The following GRIN2A variants were observed in gnomAD, a reference collection of about 807,000 sequenced individuals.
GRIN2A encodes the protein glutamate ionotropic receptor NMDA type subunit 2A, also known as glutamate receptor ionotropic, NMDA 2A.
A neutral mutation model predicts 113.4 loss-of-function variants in GRIN2A; 22 were observed. The ratio of observed to expected loss-of-function variants is 0.19; its 90% CI spans 0.14 to 0.28. The LOEUF is 0.28. Among genes scored for constraint, GRIN2A ranks in the 10% least tolerant of loss-of-function variants. The pLI is 1.00. For missense variants in GRIN2A, 1,502 were observed against 1,887.0 expected, an observed-to-expected ratio of 0.80 and a Z score of 3.78; for synonymous variants, 827 against 738.4, an observed-to-expected ratio of 1.12 and a Z score of -1.94.
At chr16:10,102,048 G>A (rs891838115) in intron 2 of GRIN2A, among the ~76,000 whole-genome samples, 8 of 152,172 alleles carry the variant, frequency 5.3e-5, no homozygotes, top group African/African-American at 1.4e-4. Context: ...ATTTTTTACA[G>A]AATCAGCTCA....
At chr16:9,919,846 C>A (rs889400518) in intron 3 of GRIN2A, among the ~76,000 whole-genome samples, 2 of 152,200 alleles carry the variant, frequency 1.3e-5, no homozygotes, top group Non-Finnish European at 2.9e-5. Flanking sequence ...AAGCAATTTC[C>A]CAGTTCCAGG....
chr16:10,181,055 G>C (rs2050260167), intron 1 of GRIN2A, among the ~76,000 whole-genome samples: 1 of 149,682 alleles, frequency 6.7e-6, no homozygotes, highest in Non-Finnish European at 1.5e-5. Flanking sequence ...CTCAGTCAGA[G>C]TACACCCCAA....
At chr16:10,148,764 C>T (rs1002830433) in intron 2 of GRIN2A, among the ~76,000 whole-genome samples, 10 of 152,218 alleles carry the variant, frequency 6.6e-5, no homozygotes, top group Non-Finnish European at 1.0e-4. Flanking sequence ...AAAGAGATAT[C>T]TGCACTCCTA....
At chr16:9,873,241 T>C (rs887105762) in intron 4 of GRIN2A, among the ~76,000 whole-genome samples, 12 of 152,106 alleles carry the variant, frequency 7.9e-5, no homozygotes, top group Admixed American at 6.6e-4. Flanking sequence ...ACTTAATGGA[T>C]ACAATGTATG....
At chr16:10,116,959 G>A (rs1229079408) in intron 2 of GRIN2A, among the ~76,000 whole-genome samples, 1 of 151,922 alleles carries the variant, frequency 6.6e-6, no homozygotes, top group East Asian at 1.9e-4. Flanking sequence ...ACTGTGTTGG[G>A]AACTGTCCAT....
At chr16:10,179,893 C>CCCAGAAAAAAAAAAA in intron 2 of GRIN2A, 105 bp downstream of exon 2, 1 of 719,818 alleles carries the variant, frequency 1.4e-6, no homozygotes, top group East Asian at 3.6e-5. Context: ...CCCCCACCCC[C>CCCAGAAAAAAAAAAA]ACTTCACATC....
rs558749861 is a variant in GRIN2A, at chr16:10,070,550, G to A, written c.414+109448C>T. ...AAATGCTACCAGCGTGGCCTGGGAT[G>A]ATTTGTTCTTAAACTTCAAGGGCTG... is the stretch of plus-strand genomic sequence containing the variant. On this transcript the variant is annotated intron_variant, in intron 2 of 12. Transcript: ENST00000330684. Among the ~76,000 whole-genome samples the A allele has an allele frequency of 2.6e-5, 4 of 152,264 alleles. No homozygotes were observed. The South Asian group carries it at 8.3e-4, about 32-fold the overall frequency.
At chr16:9,790,277 C>T (rs935434812) in intron 11 of GRIN2A, among the ~76,000 whole-genome samples, 1 of 152,182 alleles carries the variant, frequency 6.6e-6, no homozygotes, top group African/African-American at 2.4e-5. Context: ...TTTGTGTTCC[C>T]TTTGTTTTGT....
At chr16:10,077,970 T>G (rs2047908651) in intron 2 of GRIN2A, among the ~76,000 whole-genome samples, 1 of 152,208 alleles carries the variant, frequency 6.6e-6, no homozygotes, top group Non-Finnish European at 1.5e-5. Flanking sequence ...GCCATCCACG[T>G]GAACCAGGAT....
intron 2 of GRIN2A, among the ~76,000 whole-genome samples, chr16:10,125,398 C>T (rs2048913152): frequency 6.6e-6 from 1 of 152,186 alleles, no homozygotes; most frequent in East Asian, 1.9e-4. Context: ...GTGGAAAGAC[C>T]CTTGTTAGGA....
At chr16:9,921,006 G>A (rs1416011280) in intron 3 of GRIN2A, among the ~76,000 whole-genome samples, 1 of 152,084 alleles carries the variant, frequency 6.6e-6, no homozygotes. Context: ...CTCCTCAGGG[G>A]TGCACGATGT....
chr16:9,808,765 A>C (rs2042029699), intron 10 of GRIN2A, among the ~76,000 whole-genome samples: 1 of 152,192 alleles, frequency 6.6e-6, no homozygotes, highest in Non-Finnish European at 1.5e-5. Flanking sequence ...TGACTACGTA[A>C]GTTTGAAGGC....
intron 10 of GRIN2A, among the ~76,000 whole-genome samples, chr16:9,806,643 A>G (rs979644154): frequency 6.6e-6 from 1 of 152,112 alleles, no homozygotes; most frequent in African/African-American, 2.4e-5. Context: ...CGGAGACAGA[A>G]AGAGAGAAAA....
At chr16:10,043,726 C>G (rs143590072) in intron 2 of GRIN2A, among the ~76,000 whole-genome samples, 1 of 151,866 alleles carries the variant, frequency 6.6e-6, no homozygotes, top group African/African-American at 2.4e-5. Flanking sequence ...TTAACCTGCC[C>G]CCATCAGCCA....
intron 10 of GRIN2A, among the ~76,000 whole-genome samples, chr16:9,801,181 C>G (rs1903339752): frequency 6.6e-6 from 1 of 152,188 alleles, no homozygotes; most frequent in Non-Finnish European, 1.5e-5. Flanking sequence ...CTGGATAACA[C>G]ATGTATCCTA....
At chr16:9,974,181 T>C (rs777369718) in intron 2 of GRIN2A, among the ~76,000 whole-genome samples, 10 of 152,136 alleles carry the variant, frequency 6.6e-5, no homozygotes, top group Non-Finnish European at 1.3e-4. Context: ...CCCTCTCACA[T>C]TGTTTTATAC....
intron 2 of GRIN2A, among the ~76,000 whole-genome samples, chr16:10,072,019 A>C (rs1007439845): frequency 6.6e-6 from 1 of 152,208 alleles, no homozygotes; most frequent in Non-Finnish European, 1.5e-5. Context: ...TGGCCACTAC[A>C]TAAAAGATTC....
At chr16:9,943,223 G>C (rs1301867662) in intron 2 of GRIN2A, 1 of 152,202 alleles carries the variant, frequency 6.6e-6, no homozygotes, top group Non-Finnish European at 1.5e-5. Flanking sequence ...ATGTGCAGCT[G>C]GGGGAGAGGA....
rs903041507 is a variant in GRIN2A at position 9,854,292 on chromosome 16, C to T, written c.1123-4331G>A. On this transcript the variant is annotated intron_variant, in intron 4 of 12. Transcript: ENST00000330684. ...TTGCTCTTACTGCAACTTCAGCCCC[C>T]GAGACTCAGAGCCATTGAGGGTGGC... Among the ~76,000 whole-genome samples, 8 of 152,096 alleles carry T rather than the reference C, an allele frequency of 5.3e-5. 1 individual carries two copies. The South Asian group carries it at 6.3e-4, about 12-fold the overall frequency.
Sources: allele counts gnomAD v4.1 joint callset (sites outside exome capture counted in the v4.1 genomes callset), GRCh38; gene constraint gnomAD v4.1.1; transcripts MANE v1.5; gene names NCBI Gene and HGNC (gene_info 2026-07-23, HGNC 2026-07-21).